The following MTM1 variants were observed in gnomAD, a reference collection of about 807,000 sequenced individuals.
MTM1 encodes myotubularin 1, also known as myotubularin.
MTM1 carries 9 observed loss-of-function variants against 52.1 expected under a neutral mutation model. The ratio of observed to expected loss-of-function variants is 0.17; its 90% CI spans 0.10 to 0.30. The LOEUF (loss-of-function observed/expected upper bound fraction) is 0.30, where lower values mean the gene tolerates loss of function less well. MTM1 is among the 10% of genes least tolerant of loss of function. The pLI, the probability that MTM1 is intolerant of heterozygous loss-of-function variation, is 1.00. For missense variants in MTM1, 277 were observed against 470.7 expected (o/e 0.59, Z 3.81); for synonymous variants, 136 against 163.8 (o/e 0.83, Z 1.29).
intron 6 of MTM1, among the ~76,000 whole-genome samples, chrX:150,622,857 A>G (rs2039505891): frequency 9.0e-6 from 1 of 111,709 alleles, no homozygotes; most frequent in Non-Finnish European, 1.9e-5. Flanking sequence ...TTTTGGACAC[A>G]TAGCATTTCA....
chrX:150,631,403 T>C (rs1388950349), intron 6 of MTM1, among the ~76,000 whole-genome samples: 2 of 111,804 alleles, frequency 1.8e-5, no homozygotes, highest in Non-Finnish European at 3.8e-5. Context: ...GAGTCACGCC[T>C]TGCAATCCCA....
At chrX:150,668,770 T>C (rs1390978913) in intron 14 of MTM1, among the ~76,000 whole-genome samples, 1 of 111,635 alleles carries the variant, frequency 9.0e-6, no homozygotes, top group African/African-American at 3.3e-5. Context: ...CATCAGTGCA[T>C]TGTCTTCACA....
the MTM1 span, among the ~76,000 whole-genome samples, chrX:150,563,214 C>G: frequency 1.8e-5 from 2 of 109,717 alleles, no homozygotes; most frequent in Non-Finnish European, 3.8e-5. Flanking sequence ...AACCCACCAA[C>G]CAACCAAAAA....
At chrX:150,613,295 GC>G (rs2039324261) in intron 4 of MTM1, among the ~76,000 whole-genome samples, 1 of 111,716 alleles carries the variant, frequency 9.0e-6, no homozygotes, top group Non-Finnish European at 1.9e-5. Flanking sequence ...AAATGGTGTA[GC>G]CCTTCATGTC....
chrX:150,619,187 T>TC, intron 6 of MTM1, 48 bp downstream of exon 6: 1 of 950,477 alleles, frequency 1.1e-6, no homozygotes, highest in Non-Finnish European at 1.5e-6. Context: ...CAGTGCCTCC[T>TC]CTGTGAAAAC....
At chrX:150,643,524 TAC>T (rs781873079) in intron 8 of MTM1, among the ~76,000 whole-genome samples, 11 of 110,815 alleles carry the variant, frequency 9.9e-5, no homozygotes, top group African/African-American at 1.3e-4. Flanking sequence ...AGCATATATC[TAC>T]ACACACACAC....
intron 14 of MTM1, among the ~76,000 whole-genome samples, chrX:150,665,819 T>C (rs1163237582): frequency 8.9e-6 from 1 of 112,378 alleles, no homozygotes; most frequent in African/African-American, 3.2e-5. Flanking sequence ...TCTGGTACTT[T>C]TATTTAATAC....
At chrX:150,640,068 T>A (rs2039822316) in intron 7 of MTM1, among the ~76,000 whole-genome samples, 1 of 111,637 alleles carries the variant, frequency 9.0e-6, no homozygotes, top group Non-Finnish European at 1.9e-5. Context: ...ACTGTTGAGT[T>A]TTCTAAGGCT....
chrX:150,630,643 T>C (rs1557413549), intron 6 of MTM1, among the ~76,000 whole-genome samples: 1 of 111,734 alleles, frequency 8.9e-6, no homozygotes, highest in Non-Finnish European at 1.9e-5. Flanking sequence ...GTAATAGCTA[T>C]AGTGATGTTT....
intron 1 of MTM1, among the ~76,000 whole-genome samples, chrX:150,590,653 C>T (rs1354358721): frequency 9.0e-6 from 1 of 111,531 alleles, no homozygotes; most frequent in African/African-American, 3.3e-5. Flanking sequence ...CCTTTATATT[C>T]ATTTTAAATT....
chrX:150,613,804 T>G (rs1356765219), intron 4 of MTM1, among the ~76,000 whole-genome samples: 1 of 112,037 alleles, frequency 8.9e-6, no homozygotes, highest in Non-Finnish European at 1.9e-5. Flanking sequence ...ATTGTGCTAT[T>G]ACTTGACTAA....
chrX:150,663,713 C>A (rs782792371), intron 14 of MTM1, 104 bp downstream of exon 14: 3 of 739,945 alleles, frequency 4.1e-6, no homozygotes, highest in South Asian at 4.6e-5. Flanking sequence ...AAATATCAGA[C>A]TCTAAAAACA....
chrX:150,617,659 G>A (rs1557413168), intron 5 of MTM1, among the ~76,000 whole-genome samples: 1 of 112,340 alleles, frequency 8.9e-6, no homozygotes, highest in Non-Finnish European at 1.9e-5. Context: ...TGTTTGAGAT[G>A]TCTTGTGAAG....
At chrX:150,576,407 T>C (rs1480044867) in intron 1 of MTM1, among the ~76,000 whole-genome samples, 1 of 112,017 alleles carries the variant, frequency 8.9e-6, no homozygotes. Context: ...TACTATTGTT[T>C]GTTTGTGCCC....
chrX:150,579,564 T>G (rs1557411795), intron 1 of MTM1, among the ~76,000 whole-genome samples: 1 of 111,305 alleles, frequency 9.0e-6, no homozygotes, highest in African/African-American at 3.3e-5. Flanking sequence ...GGCATGATGG[T>G]GGCTCACTGT....
chrX:150,572,835 G>C lies in MTM1; in HGVS notation c.-11+4173G>C, dbSNP rs899824628. Reference sequence around the variant, plus strand: ...AACAGGGCAGGCTCCTGAGTGATAGGGCAGGCGCCTGAGCGGCCTTTTCTC... The same window carrying C: ...AACAGGGCAGGCTCCTGAGTGATAGCGCAGGCGCCTGAGCGGCCTTTTCTC... On this transcript the variant is annotated intron_variant, in intron 1 of 14. Transcript: ENST00000370396. 2.7e-5 allele frequency among the ~76,000 whole-genome samples: 3 copies of C among 112,571 alleles called. No individual in the cohort carries two copies. In the Admixed American group the frequency reaches 2.8e-4, roughly 11 times the overall value.
intron 4 of MTM1, among the ~76,000 whole-genome samples, chrX:150,599,118 A>G (rs929832644): frequency 2.7e-5 from 3 of 112,891 alleles, no homozygotes; most frequent in Admixed American, 1.9e-4. Context: ...TTTCTAAAAT[A>G]TCACAGAGGA....
intron 11 of MTM1, 34 bp downstream of exon 11, chrX:150,658,061 C>T: frequency 9.6e-7 from 1 of 1,044,852 alleles, no homozygotes; most frequent in South Asian, 1.9e-5. Flanking sequence ...AAAAATAGAT[C>T]ACTACCATTC....
intron 4 of MTM1, 61 bp from the exon 5 acceptor site, chrX:150,614,527 GT>G: frequency 1.5e-6 from 1 of 685,453 alleles, no homozygotes; most frequent in East Asian, 3.4e-5. Flanking sequence ...GTTTTTATAT[GT>G]TTTTTGATGT....
Sources: allele counts gnomAD v4.1 joint callset (sites outside exome capture counted in the v4.1 genomes callset), GRCh38; gene constraint gnomAD v4.1.1; transcripts MANE v1.5; gene names NCBI Gene and HGNC (gene_info 2026-07-23, HGNC 2026-07-21).